The following RUVBL1 variants were observed in gnomAD, a reference collection of about 807,000 sequenced individuals.
RUVBL1 encodes RuvB like AAA ATPase 1.
Under a neutral mutation model 52.4 loss-of-function variants are expected in RUVBL1, and 4 were observed. The observed-to-expected ratio is 0.08, with a 90% CI of 0.04 to 0.17. The LOEUF (loss-of-function observed/expected upper bound fraction) is 0.17, where lower values mean the gene tolerates loss of function less well. RUVBL1 is among the 10% of genes least tolerant of loss of function. The pLI, the probability that RUVBL1 is intolerant of heterozygous loss-of-function variation, is 1.00. For synonymous variants in RUVBL1, 217 were observed against 214.4 expected (o/e 1.01, Z -0.10); for missense variants, 298 against 572.8 (o/e 0.52, Z 4.90).
intron 8 of RUVBL1, among the ~76,000 whole-genome samples, chr3:128,093,888 T>C (rs1040928886): frequency 6.6e-6 from 1 of 152,060 alleles, no homozygotes; most frequent in Non-Finnish European, 1.5e-5. Flanking sequence ...ACATCAGCTG[T>C]CCACAGGGAG....
intron 1 of RUVBL1, among the ~76,000 whole-genome samples, chr3:128,150,477 A>G (rs1461129022): frequency 6.8e-6 from 1 of 147,834 alleles, no homozygotes; most frequent in Non-Finnish European, 1.5e-5. Context: ...GTGTATATAT[A>G]TTCCATTATA....
Position 128,067,940 on chromosome 3 carries a change from T to G in RUVBL1, c.940-2720A>C. ...TACCACTTGGAATGCCTATTTCCCC[T>G]TCAGCCTCCAATTCCAACTTCTCCC... On this transcript the variant is annotated intron_variant, in intron 9 of 9. Transcript: ENST00000464873. This position sits in a 1 kb window ranked among gnomAD's most constrained non-coding sequence, Gnocchi z 4.1. 2 of 1,532,756 alleles carry G rather than the reference T, an allele frequency of 1.3e-6. No individual in the cohort carries two copies. Among genetic ancestry groups the G allele is most frequent in the Non-Finnish European group, 1.8e-6 (2 of 1,106,184 alleles). The allele number at this position is 1,532,756 out of a possible 1,614,324, so 94.9% of individuals were successfully genotyped here. A position where few individuals can be genotyped will look rare whatever the true frequency, so the allele number is the denominator to read the frequency against.
exon 1 of RUVBL1, chr3:128,153,383 T>A: frequency 6.5e-6 from 9 of 1,389,354 alleles, no homozygotes; most frequent in Non-Finnish European, 8.3e-6. Context: ...GGCGGAAGCT[T>A]CCGGGCCGGA....
chr3:128,069,491 C>G lies in RUVBL1; in HGVS notation c.940-4271G>C, dbSNP rs759770429. ...CCTCCCCCAGGTACATCCCCACAGC[C>G]GCGGCCTTTGGTGGGCTGTGCATCG... is the stretch of plus-strand genomic sequence containing the variant. On this transcript the variant is annotated intron_variant, in intron 9 of 9. Transcript: ENST00000464873. The G allele has an allele frequency of 1.2e-6, 2 of 1,612,088 alleles. No individual in the cohort carries two copies. The highest frequency in any genetic ancestry group is 3.3e-5 in the Admixed American group (2 of 60,010).
Position 128,098,868 on chromosome 3 carries a change from A to C in RUVBL1, c.817+14T>G. 2 of 1,613,604 alleles carry C rather than the reference A, an allele frequency of 1.2e-6. No individual in the cohort carries two copies. The highest frequency in any genetic ancestry group is 1.7e-6 in the Non-Finnish European group (2 of 1,179,610). On this transcript the variant is annotated intron_variant, in intron 7 of 10. Transcript: ENST00000322623. Reference sequence around the variant, plus strand: ...GCCCTGCCCCTTGCTCACAGGGCACACTGGTTCTCCTACCTGTGATTTCTG... The same window carrying C: ...GCCCTGCCCCTTGCTCACAGGGCACCCTGGTTCTCCTACCTGTGATTTCTG...
At chr3:128,075,088 C>T (rs1942274903) in intron 9 of RUVBL1, 1 of 152,146 alleles carries the variant, frequency 6.6e-6, no homozygotes, top group African/African-American at 2.4e-5. Flanking sequence ...GTGCACTATT[C>T]CTGGAGGTAC....
At chr3:128,089,223 T>C (rs1424596278) in intron 8 of RUVBL1, among the ~76,000 whole-genome samples, 1 of 152,256 alleles carries the variant, frequency 6.6e-6, no homozygotes. Flanking sequence ...CTTGAACCCT[T>C]AGCCAAGCCA....
Position 128,067,248 on chromosome 3 carries a change from T to A in RUVBL1, c.940-2028A>T. 6 of 1,360,716 alleles carry A rather than the reference T, an allele frequency of 4.4e-6. No individual in the cohort carries two copies. Among genetic ancestry groups the A allele is most frequent in the Non-Finnish European group, 6.2e-6 (6 of 968,316 alleles). The allele number at this position is 1,360,716 out of a possible 1,614,324, so 84.3% of individuals were successfully genotyped here. A position where few individuals can be genotyped will look rare whatever the true frequency, so the allele number is the denominator to read the frequency against. On this transcript the variant is annotated intron_variant, in intron 9 of 9. Coordinates refer to the RUVBL1 transcript ENST00000464873. The surrounding 1 kb of genome is among the most constrained non-coding windows in gnomAD (Gnocchi z 4.1). ...TGAACAGATATTTCATCCAAAGATATTTTCCATTGTGCCTTTTACAAATTC... is the reference window on the plus strand; with the variant it reads ...TGAACAGATATTTCATCCAAAGATAATTTCCATTGTGCCTTTTACAAATTC...
intron 1 of RUVBL1, among the ~76,000 whole-genome samples, chr3:128,149,537 T>A (rs2107739858): frequency 6.6e-6 from 1 of 152,360 alleles, no homozygotes; most frequent in African/African-American, 2.4e-5. Context: ...TAAGGACATT[T>A]ACTTTGTTTA....
intron 7 of RUVBL1, 38 bp from the exon 8 acceptor site, chr3:128,097,536 G>A (rs1943011881): frequency 6.3e-7 from 1 of 1,581,088 alleles, no homozygotes; most frequent in Admixed American, 1.7e-5. Context: ...GGTCAGCACA[G>A]GGCTGGGGGA....
upstream of RUVBL1, among the ~76,000 whole-genome samples, chr3:128,125,989 AAAG>A (rs1259672010): frequency 2.0e-5 from 3 of 152,252 alleles, no homozygotes; most frequent in Admixed American, 1.3e-4. Context: ...TTTGGCACAG[AAAG>A]AAGGATTTCC....
At chr3:128,090,547 G>A (rs947522084) in intron 8 of RUVBL1, among the ~76,000 whole-genome samples, 1 of 152,060 alleles carries the variant, frequency 6.6e-6, no homozygotes, top group Non-Finnish European at 1.5e-5. Flanking sequence ...AATCTTCAAA[G>A]TAAATATGGA....
intron 1 of RUVBL1, among the ~76,000 whole-genome samples, chr3:128,138,646 G>A (rs943981812): frequency 1.8e-4 from 28 of 152,054 alleles, no homozygotes; most frequent in African/African-American, 6.5e-4. Flanking sequence ...TACAGATTCA[G>A]TGCAATCCCT....
chr3:128,109,792 G>GC (rs1390936745), intron 3 of RUVBL1, among the ~76,000 whole-genome samples: 1 of 147,728 alleles, frequency 6.8e-6, no homozygotes, highest in African/African-American at 2.5e-5. Context: ...GAGCCATCAG[G>GC]CCTGGCCTCT....
At chr3:128,066,209 A>G (rs955472368) in intron 9 of RUVBL1, among the ~76,000 whole-genome samples, 4 of 152,128 alleles carry the variant, frequency 2.6e-5, no homozygotes, top group African/African-American at 9.7e-5. Context: ...AGGAACTATT[A>G]TAAGGTGTGA....
In RUVBL1 at chr3:128,101,996, C is replaced by T. The variant is rs541401057; in HGVS notation, c.514-348G>A. On this transcript the variant is annotated intron_variant, in intron 4 of 10. Transcript: ENST00000322623. ...CTTTTATAAGGATGGTCCTGGCTGCCGTGAGACGGGTGGGCCCAGCCCCCA... is the reference window on the plus strand; with the variant it reads ...CTTTTATAAGGATGGTCCTGGCTGCTGTGAGACGGGTGGGCCCAGCCCCCA... Among the ~76,000 whole-genome samples, 93 of 152,326 alleles carry T rather than the reference C, an allele frequency of 6.1e-4. 1 individual carries two copies. Among genetic ancestry groups the T allele is most frequent in the African/African-American group, 2.0e-3 (83 of 41,578 alleles).
chr3:128,130,844 G>A (rs1410423418), intron 1 of RUVBL1, among the ~76,000 whole-genome samples: 2 of 151,806 alleles, frequency 1.3e-5, no homozygotes, highest in Admixed American at 1.3e-4. Context: ...TAGAGACCGG[G>A]TTTCACCGTG....
In RUVBL1 at chr3:128,150,986, A is replaced by ATATAT. The variant is rs1944196110; in HGVS notation, c.-40+2212_-40+2216dup. On this transcript the variant is annotated intron_variant, in intron 1 of 9. Coordinates refer to the RUVBL1 transcript ENST00000464873. ...CTATATATTATATATTATATATTCT[A>ATATAT]TATATATTATATATATTATATTATA... 7.9e-5 allele frequency among the ~76,000 whole-genome samples: 6 copies of ATATAT among 75,860 alleles called. No individual in the cohort carries two copies. In the South Asian group the frequency reaches 1.8e-3, roughly 22 times the overall value. 49.8% of individuals were successfully genotyped at this position (75,860 alleles called of 152,430 possible). A position where few individuals can be genotyped will look rare whatever the true frequency, so the allele number is the denominator to read the frequency against.
chr3:128,143,923 A>G (rs1007264022), intron 1 of RUVBL1, among the ~76,000 whole-genome samples: 1 of 152,188 alleles, frequency 6.6e-6, no homozygotes, highest in Non-Finnish European at 1.5e-5. Flanking sequence ...ACCGACCACA[A>G]TGATCTTGTG....
Sources: allele counts gnomAD v4.1 joint callset (sites outside exome capture counted in the v4.1 genomes callset), GRCh38; gene constraint gnomAD v4.1.1; non-coding constraint Gnocchi (gnomAD v3.1); transcripts MANE v1.5; gene names NCBI Gene and HGNC (gene_info 2026-07-23, HGNC 2026-07-21).